TDP1: variants seen among roughly 807,000 people sequenced by gnomAD.
TDP1 encodes tyr-DNA phosphodiesterase 1.
In TDP1, 64 loss-of-function variants were observed where a neutral mutation model predicts 81.5. The ratio of observed to expected loss-of-function variants is 0.79; its 90% CI spans 0.64 to 0.97. The LOEUF (loss-of-function observed/expected upper bound fraction) is 0.97, where lower values mean the gene tolerates loss of function less well. Ranked by LOEUF, TDP1 falls within the 50% of genes least tolerant of loss-of-function variation. The pLI, the probability that TDP1 is intolerant of heterozygous loss-of-function variation, is 0.00. For synonymous variants in TDP1, 256 were observed against 264.3 expected, an observed-to-expected ratio of 0.97 and a Z score of 0.30; for missense variants, 723 against 743.8, an observed-to-expected ratio of 0.97 and a Z score of 0.33.
At chr14:89,981,647 ATTAC>A (rs1290341485) in intron 8 of TDP1, 1 of 335,276 alleles carries the variant, frequency 3.0e-6, no homozygotes, top group African/African-American at 2.2e-5. Context: ...TTTGGAGTGT[ATTAC>A]TTTCAGCTAA....
intron 16 of TDP1, among the ~76,000 whole-genome samples, chr14:90,036,347 A>G (rs1472045758): frequency 6.6e-6 from 1 of 152,192 alleles, no homozygotes; most frequent in Non-Finnish European, 1.5e-5. Flanking sequence ...GCATTTACCA[A>G]GATTGAAAAA....
At chr14:90,020,580 TTCCCTCCC>T (rs1342721490) in intron 15 of TDP1, among the ~76,000 whole-genome samples, 1 of 8,318 alleles carries the variant, frequency 1.2e-4, no homozygotes, top group Non-Finnish European at 2.0e-4. Context: ...CCTTCCTTCC[TTCCCTCCC>T]TCCCTCCCTC....
intron 7 of TDP1, 76 bp downstream of exon 7, chr14:89,975,891 A>T (rs376950871): frequency 1.4e-5 from 17 of 1,250,598 alleles, no homozygotes; most frequent in Non-Finnish European, 1.8e-5. Flanking sequence ...CTTAGGAGAG[A>T]CTGAGCATGG....
rs1172104089 is a variant in TDP1, at chr14:89,984,598, C to A, written c.967C>A (p.Leu323Ile). 1 of 1,614,078 alleles carries A rather than the reference C, an allele frequency of 6.2e-7. No individual in the cohort carries two copies. Among genetic ancestry groups the A allele is most frequent in the Admixed American group, 1.7e-5 (1 of 60,016 alleles). The part of the protein sequence containing the change: ...GESPTHFKAD[L>I]ISYLMAYNAP... ...GTCGCCAACACATTTTAAAGCTGAT[C>A]TCATCAGTTACTTGATGGCTTATAA... The change falls in exon 9 of 17, where the codon CTC becomes ATC. Residue 323 changes from leucine (L) to isoleucine (I), a missense_variant. Coordinates refer to ENST00000335725, the MANE Select transcript of TDP1 (RefSeq NM_018319.4).
chr14:90,004,132 C>T (rs2140189063), intron 14 of TDP1, among the ~76,000 whole-genome samples: 1 of 152,200 alleles, frequency 6.6e-6, no homozygotes, highest in East Asian at 1.9e-4. Flanking sequence ...GACTCAAGGT[C>T]ATATTACTAC....
intron 8 of TDP1, 62 bp downstream of exon 8, chr14:89,980,694 C>T (rs1442139665): frequency 5.4e-6 from 7 of 1,302,054 alleles, no homozygotes; most frequent in Admixed American, 5.1e-5. Context: ...AAAGCCAGAA[C>T]ATTCACTTTA....
chr14:90,013,021 CA>C (rs1399615772), intron 14 of TDP1, among the ~76,000 whole-genome samples: 1 of 152,186 alleles, frequency 6.6e-6, no homozygotes, highest in Non-Finnish European at 1.5e-5. Context: ...TTGTTTTGGC[CA>C]ATTTCTCCCA....
chr14:90,000,493 T>G (rs908467730), intron 14 of TDP1, among the ~76,000 whole-genome samples: 1 of 152,164 alleles, frequency 6.6e-6, no homozygotes, highest in Non-Finnish European at 1.5e-5. Context: ...CAAGCAATTC[T>G]CCTGCCTCAG....
chr14:89,993,108 T>C, intron 13 of TDP1: 1 of 966,744 alleles, frequency 1.0e-6, no homozygotes, highest in Non-Finnish European at 1.2e-6. Context: ...AGAAATAATA[T>C]GTATGCATGT....
intron 14 of TDP1, among the ~76,000 whole-genome samples, chr14:90,005,414 A>AT (rs1298068360): frequency 6.6e-6 from 1 of 151,982 alleles, no homozygotes; most frequent in African/African-American, 2.4e-5. Flanking sequence ...TAAAAAAAAA[A>AT]TTTTTTTAAA....
intron 15 of TDP1, among the ~76,000 whole-genome samples, chr14:90,029,698 T>G (rs530958696): frequency 6.8e-6 from 1 of 146,406 alleles, no homozygotes; most frequent in South Asian, 2.2e-4. Flanking sequence ...AGGGTTTCAC[T>G]ATGTTGATCA....
Position 89,963,531 on chromosome 14 carries a change from A to G in TDP1, c.417A>G (p.Lys139=). ...GCGCTCCCGCCTGCCACAGGCTCAA[A>G]GAGGAGGAAGACGAGTATGAGACAT... The part of the protein sequence containing the change: ...NHGAPACHRL[K]EEEDEYETSG... The change falls in exon 3 of 17, where the codon AAA becomes AAG. Residue 139 remains lysine (K), a synonymous_variant. Coordinates refer to ENST00000335725, the MANE Select transcript of TDP1 (RefSeq NM_018319.4). 1 of 1,606,814 alleles carries G rather than the reference A, an allele frequency of 6.2e-7. No individual in the cohort carries two copies. Among genetic ancestry groups the G allele is most frequent in the Admixed American group, 1.7e-5 (1 of 59,122 alleles).
intron 6 of TDP1, among the ~76,000 whole-genome samples, chr14:89,972,091 G>T (rs1240252694): frequency 6.6e-6 from 1 of 152,150 alleles, no homozygotes; most frequent in African/African-American, 2.4e-5. Flanking sequence ...AAGCAGAAAA[G>T]AAAGCTATGT....
chr14:89,987,538 C>G (rs1895703543), intron 10 of TDP1, among the ~76,000 whole-genome samples: 2 of 152,200 alleles, frequency 1.3e-5, no homozygotes, highest in African/African-American at 4.8e-5. Context: ...GAGGAGGAAG[C>G]AAGCAGGTGG....
chr14:90,033,147 C>T lies in TDP1; in HGVS notation c.1686C>T (p.Gly562=). Residue 562 remains glycine (G), a synonymous_variant, in exon 16 of 17, where the codon GGC becomes GGT. Transcript: ENST00000335725. ...SFKVKQKFFA[G]SQEPMATFPV... ...AAGTGAAACAGAAGTTCTTCGCTGG[C>T]AGCCAGGAGCCAATGGCCACCTTTC... 3 of 1,613,422 alleles carry T rather than the reference C, an allele frequency of 1.9e-6. No individual in the cohort carries two copies. The highest frequency in any genetic ancestry group is 2.5e-6 in the Non-Finnish European group (3 of 1,179,470).
chr14:90,038,867 T>C (rs1467497792), intron 16 of TDP1, among the ~76,000 whole-genome samples: 1 of 151,976 alleles, frequency 6.6e-6, no homozygotes, highest in East Asian at 1.9e-4. Flanking sequence ...ATGTTTTATT[T>C]TTAAGGACCT....
chr14:89,997,824 T>A (rs1896770477), intron 14 of TDP1, among the ~76,000 whole-genome samples: 1 of 152,154 alleles, frequency 6.6e-6, no homozygotes, highest in Admixed American at 6.5e-5. Flanking sequence ...ATATATATAT[T>A]CTATTTTGGG....
intron 15 of TDP1, among the ~76,000 whole-genome samples, chr14:90,021,609 G>T (rs1264263324): frequency 6.6e-6 from 1 of 152,132 alleles, no homozygotes; most frequent in Non-Finnish European, 1.5e-5. Context: ...ATTAATGAAG[G>T]CTAATAGAGA....
At position 90,030,771 on chromosome 14, in the gene TDP1, C is replaced by T. The variant is rs570955559; in HGVS notation, c.1645-2335C>T. 3.4e-3 allele frequency among the ~76,000 whole-genome samples: 496 copies of T among 145,392 alleles called. 2 individuals are homozygous for T. Among genetic ancestry groups the T allele is most frequent in the African/African-American group, 0.012 (475 of 39,950 alleles). On this transcript the variant is annotated intron_variant, in intron 15 of 16. Transcript: ENST00000335725. The stretch of plus-strand genomic sequence containing the variant: ...GAAGCTTGATTATCTCATTTTTACT[C>T]TTTTTTTTTTTTGAGATGGAGTTTC...
Sources: allele counts gnomAD v4.1 joint callset (sites outside exome capture counted in the v4.1 genomes callset), GRCh38; gene constraint gnomAD v4.1.1; transcripts MANE v1.5; gene names NCBI Gene and HGNC (gene_info 2026-07-23, HGNC 2026-07-21).